Variants in TRPC3 observed in about 807,000 individuals in gnomAD.
The protein encoded by TRPC3 is transient receptor potential cation channel subfamily C member 3, also known as short transient receptor potential channel 3.
Under a neutral mutation model 90.9 loss-of-function variants are expected in TRPC3, and 54 were observed. The observed-to-expected ratio is 0.59, with a 90% confidence interval of 0.48 to 0.75. The LOEUF (loss-of-function observed/expected upper bound fraction) is 0.75, where lower values mean the gene tolerates loss of function less well. TRPC3 is among the 30% of genes least tolerant of loss of function. The probability of loss-of-function intolerance (pLI) is 0.00; values close to 1 mark genes in which losing one functional copy is unlikely to be tolerated. For synonymous variants in TRPC3, 424 were observed against 450.9 expected, an observed-to-expected ratio of 0.94 and a Z score of 0.75; for missense variants, 918 against 1,194.5, an observed-to-expected ratio of 0.77 and a Z score of 3.41.
At chr4:121,937,380 A>G (rs1244474948) in intron 1 of TRPC3, among the ~76,000 whole-genome samples, 2 of 152,236 alleles carry the variant, frequency 1.3e-5, no homozygotes, top group Admixed American at 6.5e-5. Flanking sequence ...AGTTGAAATA[A>G]TATGTTTGAG....
intron 1 of TRPC3, among the ~76,000 whole-genome samples, chr4:121,940,271 C>T (rs4833779): frequency 0.57 from 86,325 of 152,086 alleles, 24,518 homozygotes; most frequent in Admixed American, 0.59. Flanking sequence ...ACTTAATTGC[C>T]TAATTTATTG....
intron 1 of TRPC3, among the ~76,000 whole-genome samples, chr4:121,937,809 T>A (rs1730180272): frequency 6.6e-6 from 1 of 152,196 alleles, no homozygotes; most frequent in Non-Finnish European, 1.5e-5. Flanking sequence ...GTTATTACTA[T>A]CTTATTTCAC....
At chr4:121,881,074 T>C (rs2149102743) in intron 11 of TRPC3, among the ~76,000 whole-genome samples, 1 of 152,180 alleles carries the variant, frequency 6.6e-6, no homozygotes, top group Admixed American at 6.6e-5. Context: ...CACCATTCAG[T>C]ACCGCAGGAG....
At chr4:121,919,659 C>T (rs1729435569) in intron 3 of TRPC3, among the ~76,000 whole-genome samples, 2 of 152,178 alleles carry the variant, frequency 1.3e-5, no homozygotes, top group Admixed American at 6.5e-5. Context: ...CCCCTGCACA[C>T]TTTTTGCACA....
Position 121,914,879 on chromosome 4 carries a change from T to C in TRPC3, c.1242A>G (p.Leu414=), listed in dbSNP as rs778072003. 22 of 1,613,688 alleles carry C rather than the reference T, an allele frequency of 1.4e-5. No homozygotes were observed. The highest frequency in any genetic ancestry group is 8.5e-7 in the Non-Finnish European group (1 of 1,179,798). Reference sequence around the variant, plus strand: ...ACTTGATAGCTATGGTCTGCTCCCTTAGGCCTGAGAGGTTCTCATACCAGA... The same window carrying C: ...ACTTGATAGCTATGGTCTGCTCCCTCAGGCCTGAGAGGTTCTCATACCAGA... ...LTIWYENLSG[L]REQTIAIKCL... Residue 414 remains leucine (L), a synonymous_variant, in exon 4 of 12, where the codon CTA becomes CTG. Coordinates refer to ENST00000379645, the MANE Select transcript of TRPC3 (RefSeq NM_001130698.2).
At chr4:121,926,698 C>T (rs1462138694) in intron 2 of TRPC3, among the ~76,000 whole-genome samples, 11 of 152,188 alleles carry the variant, frequency 7.2e-5, no homozygotes, top group African/African-American at 2.4e-4. Flanking sequence ...TGAGTCACCG[C>T]ACCCGGCCTC....
At chr4:121,933,182 G>A (rs980493792) in intron 1 of TRPC3, 140 bp from the exon 2 acceptor site, 4 of 1,354,782 alleles carry the variant, frequency 3.0e-6, no homozygotes, top group Non-Finnish European at 1.9e-6. Context: ...TAGCGATACC[G>A]TTGCTAACTA....
At chr4:121,945,166 C>T (rs183081305) in intron 1 of TRPC3, among the ~76,000 whole-genome samples, 1 of 152,312 alleles carries the variant, frequency 6.6e-6, no homozygotes, top group East Asian at 1.9e-4. Context: ...ACTCCATGTG[C>T]TTAATAAGAT....
intron 1 of TRPC3, among the ~76,000 whole-genome samples, chr4:121,946,115 T>C (rs981146439): frequency 2.6e-5 from 4 of 152,166 alleles, no homozygotes; most frequent in African/African-American, 2.4e-5. Flanking sequence ...ATCCAGACCA[T>C]AGAAATTCCA....
intron 1 of TRPC3, among the ~76,000 whole-genome samples, chr4:121,945,885 A>G (rs2149155576): frequency 6.6e-6 from 1 of 152,360 alleles, no homozygotes; most frequent in East Asian, 1.9e-4. Flanking sequence ...TATTAGGAAA[A>G]AAACCCCTGG....
intron 9 of TRPC3, among the ~76,000 whole-genome samples, chr4:121,900,519 T>TAGCTA (rs1728665274): frequency 6.6e-6 from 1 of 152,206 alleles, no homozygotes; most frequent in Non-Finnish European, 1.5e-5. Flanking sequence ...TTTGTTCTCT[T>TAGCTA]ACAATTGTGC....
intron 3 of TRPC3, among the ~76,000 whole-genome samples, chr4:121,922,313 A>G (rs975536348): frequency 1.3e-5 from 2 of 152,218 alleles, no homozygotes; most frequent in Non-Finnish European, 2.9e-5. Context: ...TTATTATTCT[A>G]GAACAGAATT....
At chr4:121,896,911 A>G (rs753133405) in intron 10 of TRPC3, among the ~76,000 whole-genome samples, 11 of 152,166 alleles carry the variant, frequency 7.2e-5, no homozygotes, top group Non-Finnish European at 1.5e-4. Context: ...GGCTGTAGAA[A>G]CCAAAACTAC....
At chr4:121,915,446 T>C (rs969674241) in intron 3 of TRPC3, among the ~76,000 whole-genome samples, 5 of 152,210 alleles carry the variant, frequency 3.3e-5, no homozygotes. Flanking sequence ...TGTAATTATG[T>C]ACTATTACTG....
In TRPC3 at chr4:121,879,386, A is replaced by G. The variant is rs1283223332; in HGVS notation, c.*350T>C. On this transcript the variant is annotated 3_prime_UTR_variant, in exon 12 of 12. Transcript: ENST00000379645. ...AGGCACTGTACTAGATGCTGGAGAC[A>G]CAAAGATGAATAAGACATGGTCCCT... 8.6e-6 allele frequency: 2 copies of G among 233,704 alleles called. No individual in the cohort carries two copies. Among genetic ancestry groups the G allele is most frequent in the South Asian group, 5.7e-5 (1 of 17,684 alleles). The allele number at this position is 233,704 out of a possible 1,614,324, so 14.5% of individuals were successfully genotyped here. A position where few individuals can be genotyped will look rare whatever the true frequency, so the allele number is the denominator to read the frequency against.
intron 3 of TRPC3, among the ~76,000 whole-genome samples, chr4:121,921,973 C>T (rs1729535036): frequency 1.4e-5 from 2 of 146,362 alleles, no homozygotes; most frequent in South Asian, 4.3e-4. Context: ...GGCTGCAGTG[C>T]AGTGGCGTGA....
chr4:121,903,780 T>G (rs576272229), intron 8 of TRPC3, among the ~76,000 whole-genome samples: 15 of 152,214 alleles, frequency 9.9e-5, no homozygotes, highest in African/African-American at 3.6e-4. Context: ...AAAACATACA[T>G]AGAGATTTGG....
chr4:121,880,457 G>C (rs539915128), intron 11 of TRPC3, among the ~76,000 whole-genome samples: 1 of 152,296 alleles, frequency 6.6e-6, no homozygotes, highest in Admixed American at 6.5e-5. Flanking sequence ...AATGCGTAAG[G>C]AAGTAACAAG....
chr4:121,883,646 T>G (rs536444484), intron 10 of TRPC3, among the ~76,000 whole-genome samples: 5 of 152,314 alleles, frequency 3.3e-5, no homozygotes, highest in African/African-American at 1.2e-4. Flanking sequence ...AGAAAGGATA[T>G]GGATCAATGG....
Sources: gnomAD v4.1 joint callset for allele counts (sites outside exome capture counted in the v4.1 genomes callset) on GRCh38, gnomAD v4.1.1 for gene constraint, MANE v1.5 for transcripts, NCBI Gene and HGNC (gene_info 2026-07-23, HGNC 2026-07-21) for gene names.